ZNF362: variants seen among roughly 807,000 people sequenced by gnomAD.
The protein encoded by ZNF362 is rotund homolog.
ZNF362 carries 11 observed loss-of-function variants against 42.9 expected under a neutral mutation model. The ratio of observed to expected loss-of-function variants is 0.26; its 90% CI spans 0.16 to 0.42. The LOEUF is 0.42. Ranked by LOEUF, ZNF362 falls within the 20% of genes least tolerant of loss-of-function variation. The probability of loss-of-function intolerance (pLI) is 1.00; values close to 1 mark genes in which losing one functional copy is unlikely to be tolerated. For synonymous variants in ZNF362, 255 were observed against 257.3 expected, an observed-to-expected ratio of 0.99 and a Z score of 0.09; for missense variants, 362 against 576.2, an observed-to-expected ratio of 0.63 and a Z score of 3.81.
chr1:33,135,177 C>G, the ZNF362 span, among the ~76,000 whole-genome samples: 2 of 152,166 alleles, frequency 1.3e-5, no homozygotes, highest in African/African-American at 4.8e-5. Flanking sequence ...GTAATCCCAG[C>G]TATTTGGGAG....
At chr1:33,265,386 A>G (rs768416600) in intron 1 of ZNF362, among the ~76,000 whole-genome samples, 1 of 151,972 alleles carries the variant, frequency 6.6e-6, no homozygotes, top group Non-Finnish European at 1.5e-5. Flanking sequence ...CTGGGCACAG[A>G]CAGCAACCCC....
chr1:33,139,016 G>A, the ZNF362 span, among the ~76,000 whole-genome samples: 34 of 152,182 alleles, frequency 2.2e-4, no homozygotes, highest in Admixed American at 2.2e-3. Context: ...TGCAAGACTC[G>A]CACTGACTGT....
At chr1:33,189,685 G>A in the ZNF362 span, among the ~76,000 whole-genome samples, 3,201 of 10,604 alleles carry the variant, frequency 0.3, 164 homozygotes, top group Middle Eastern at 0.35. Flanking sequence ...ATATATATAC[G>A]TATATATATA....
intron 6 of ZNF362, among the ~76,000 whole-genome samples, chr1:33,289,424 G>A (rs1646059503): frequency 2.6e-5 from 4 of 152,114 alleles, no homozygotes; most frequent in African/African-American, 9.7e-5. Context: ...TGCAGCTTCA[G>A]CCGTGCCGAG....
the ZNF362 span, among the ~76,000 whole-genome samples, chr1:33,218,013 G>A: frequency 2.6e-5 from 4 of 152,182 alleles, no homozygotes; most frequent in Non-Finnish European, 4.4e-5. Flanking sequence ...ATCCAGTTAC[G>A]TCTTTATTTT....
At chr1:33,176,983 T>C in the ZNF362 span, among the ~76,000 whole-genome samples, 3 of 152,144 alleles carry the variant, frequency 2.0e-5, no homozygotes, top group African/African-American at 7.2e-5. Context: ...CTTTGCTCAG[T>C]GGTCCAGGTA....
chr1:33,140,023 A>C, the ZNF362 span, among the ~76,000 whole-genome samples: 1 of 152,194 alleles, frequency 6.6e-6, no homozygotes. The surrounding 1 kb of genome is among the most constrained non-coding windows in gnomAD (Gnocchi z 4.0). Context: ...AACCTGAGGA[A>C]CACCGGAGGG....
At chr1:33,185,537 C>T in the ZNF362 span, among the ~76,000 whole-genome samples, 12 of 152,204 alleles carry the variant, frequency 7.9e-5, no homozygotes, top group East Asian at 2.1e-3. Flanking sequence ...TCTTCTCTTT[C>T]ACTTTACTTC....
intron 1 of ZNF362, among the ~76,000 whole-genome samples, chr1:33,258,145 C>A (rs1645806375): frequency 6.6e-6 from 1 of 152,212 alleles, no homozygotes; most frequent in Non-Finnish European, 1.5e-5. Flanking sequence ...CTTTCTGCCA[C>A]TCCTGCCCTA....
the ZNF362 span, among the ~76,000 whole-genome samples, chr1:33,202,619 T>A: frequency 6.7e-6 from 1 of 148,502 alleles, no homozygotes. Flanking sequence ...AGACGCTATA[T>A]CATGACCAAA....
chr1:33,282,414 A>G (rs1646002437), intron 6 of ZNF362, among the ~76,000 whole-genome samples: 1 of 152,250 alleles, frequency 6.6e-6, no homozygotes, highest in African/African-American at 2.4e-5. Flanking sequence ...GCCAGACACT[A>G]TTCTAGATGT....
the ZNF362 span, among the ~76,000 whole-genome samples, chr1:33,182,301 C>G: frequency 6.6e-6 from 1 of 152,162 alleles, no homozygotes; most frequent in African/African-American, 2.4e-5. Flanking sequence ...GAGAGCACAA[C>G]AAATAAACAA....
the ZNF362 span, chr1:33,147,575 C>G: frequency 5.0e-6 from 8 of 1,613,878 alleles, no homozygotes; most frequent in Non-Finnish European, 5.9e-6. This position sits in a 1 kb window ranked among gnomAD's most constrained non-coding sequence, Gnocchi z 8.1. Flanking sequence ...CTGAAGGCTT[C>G]AGAACCCAGC....
chr1:33,137,224 A>G, the ZNF362 span, among the ~76,000 whole-genome samples: 1 of 152,124 alleles, frequency 6.6e-6, no homozygotes, highest in Non-Finnish European at 1.5e-5. Flanking sequence ...GCTAATAAGG[A>G]GCACAGGTTT....
intron 7 of ZNF362, 43 bp from the exon 8 acceptor site, chr1:33,295,104 G>A: frequency 6.2e-7 from 1 of 1,613,370 alleles, no homozygotes. Context: ...GGTGGGGTGA[G>A]GGAGCCCTGT....
chr1:33,161,207 T>C, the ZNF362 span, among the ~76,000 whole-genome samples: 2 of 152,214 alleles, frequency 1.3e-5, no homozygotes, highest in African/African-American at 2.4e-5. This position sits in a 1 kb window ranked among gnomAD's most constrained non-coding sequence, Gnocchi z 4.3. Context: ...TAATAAGCGT[T>C]TCCCGGAAGT....
At position 33,280,416 on chromosome 1, in the gene ZNF362, C is replaced by T; in HGVS notation, c.642C>T (p.Ile214=). ...CTGTCCTTGTAGTCCCCTATCCCAT[C>T]CTGGCCTCGGGCGAGACTGCCAAGG... The part of the protein sequence containing the change: ...GPPVLVVPYP[I]LASGETAKEG... The change falls in exon 5 of 9, where the codon ATC becomes ATT. Residue 214 remains isoleucine, a synonymous_variant. Coordinates refer to ENST00000539719, the MANE Select transcript of ZNF362 (RefSeq NM_152493.3). The surrounding 1 kb of genome is among the most constrained non-coding windows in gnomAD (Gnocchi z 5.6). 6.2e-7 allele frequency: 1 copy of T among 1,611,568 alleles called. No homozygotes were observed. The highest frequency in any genetic ancestry group is 8.5e-7 in the Non-Finnish European group (1 of 1,178,808).
At chr1:33,218,044 C>T in the ZNF362 span, among the ~76,000 whole-genome samples, 1 of 152,180 alleles carries the variant, frequency 6.6e-6, no homozygotes, top group Non-Finnish European at 1.5e-5. Context: ...CTATTTTTCT[C>T]TATAGTCCAT....
the ZNF362 span, among the ~76,000 whole-genome samples, chr1:33,211,092 C>T: frequency 2.0e-5 from 3 of 152,016 alleles, no homozygotes; most frequent in African/African-American, 7.3e-5. Flanking sequence ...CACCACCACG[C>T]CTGGCTAATT....
Sources: allele counts gnomAD v4.1 joint callset (sites outside exome capture counted in the v4.1 genomes callset), GRCh38; gene constraint gnomAD v4.1.1; non-coding constraint Gnocchi (gnomAD v3.1); transcripts MANE v1.5; gene names NCBI Gene and HGNC (gene_info 2026-07-23, HGNC 2026-07-21).